The following MYT1L variants were observed in gnomAD, a reference collection of about 807,000 sequenced individuals.
MYT1L encodes myelin transcription factor 1-like protein.
A neutral mutation model predicts 126.7 loss-of-function variants in MYT1L; 12 were observed. The observed-to-expected ratio is 0.09, with a 90% CI of 0.06 to 0.15. The LOEUF (loss-of-function observed/expected upper bound fraction) is 0.15. Ranked by LOEUF, MYT1L falls within the 10% of genes least tolerant of loss-of-function variation. The pLI, the probability that MYT1L is intolerant of heterozygous loss-of-function variation, is 1.00. For missense variants in MYT1L, 979 were observed against 1,585.2 expected (o/e 0.62, Z 6.49); for synonymous variants, 541 against 604.2 (o/e 0.90, Z 1.53).
intron 18 of MYT1L, among the ~76,000 whole-genome samples, chr2:1,857,022 C>T (rs182268858): frequency 1.3e-5 from 2 of 152,290 alleles, no homozygotes; most frequent in African/African-American, 2.4e-5. Context: ...AGCAAGTGCA[C>T]GCGGAGGCTC....
At chr2:2,234,165 A>G (rs1420068193) in intron 2 of MYT1L, among the ~76,000 whole-genome samples, 1 of 152,230 alleles carries the variant, frequency 6.6e-6, no homozygotes, top group Non-Finnish European at 1.5e-5. Flanking sequence ...TCTACTCCTT[A>G]AAAATTGGAA....
chr2:2,284,351 T>C (rs2095488025), intron 2 of MYT1L, 53 bp downstream of exon 2: 1 of 152,100 alleles, frequency 6.6e-6, no homozygotes, highest in Non-Finnish European at 1.5e-5. Flanking sequence ...TGTTTTCAGG[T>C]ACCTCCTTTA....
chr2:2,079,917 A>C (rs2075640433), intron 3 of MYT1L, among the ~76,000 whole-genome samples: 1 of 152,262 alleles, frequency 6.6e-6, no homozygotes, highest in Non-Finnish European at 1.5e-5. Context: ...AAGTAAGTGA[A>C]TAAATAAATA....
At chr2:2,018,035 C>A (rs543342349) in intron 4 of MYT1L, among the ~76,000 whole-genome samples, 1 of 152,158 alleles carries the variant, frequency 6.6e-6, no homozygotes, top group African/African-American at 2.4e-5. Context: ...TTATCCTATA[C>A]ACACACAAAC....
At chr2:1,873,873 C>G (rs1217393489) in intron 18 of MYT1L, among the ~76,000 whole-genome samples, 1 of 152,160 alleles carries the variant, frequency 6.6e-6, no homozygotes, top group South Asian at 2.1e-4. Flanking sequence ...AATTCAGCAC[C>G]TGATGAGTTC....
chr2:2,204,415 G>GA (rs1413222595), intron 2 of MYT1L, among the ~76,000 whole-genome samples: 3 of 150,008 alleles, frequency 2.0e-5, no homozygotes, highest in African/African-American at 5.0e-5. Flanking sequence ...AAATTTACAA[G>GA]AAAAAAACAA....
At chr2:2,225,850 C>T (rs2093995556) in intron 2 of MYT1L, among the ~76,000 whole-genome samples, 1 of 152,164 alleles carries the variant, frequency 6.6e-6, no homozygotes, top group Non-Finnish European at 1.5e-5. Flanking sequence ...AAGGTCCCTT[C>T]CGTGTTGCCC....
At chr2:2,048,824 G>C (rs548728608) in intron 4 of MYT1L, among the ~76,000 whole-genome samples, 13 of 152,272 alleles carry the variant, frequency 8.5e-5, no homozygotes, top group African/African-American at 2.9e-4. Flanking sequence ...GCCATGATTT[G>C]CAGTTTCCAC....
At chr2:2,267,701 G>C (rs1427298233) in intron 2 of MYT1L, among the ~76,000 whole-genome samples, 1 of 152,140 alleles carries the variant, frequency 6.6e-6, no homozygotes, top group Non-Finnish European at 1.5e-5. Context: ...ACCCAGTGTG[G>C]TCAGGGTGTG....
chr2:1,935,942 G>A (rs1166797268), intron 9 of MYT1L, among the ~76,000 whole-genome samples: 2 of 152,158 alleles, frequency 1.3e-5, no homozygotes, highest in Admixed American at 1.3e-4. Context: ...TTTCAAGATG[G>A]AGTTTTGCTC....
chr2:2,252,505 A>T (rs1261264921), intron 2 of MYT1L, among the ~76,000 whole-genome samples: 2 of 152,232 alleles, frequency 1.3e-5, no homozygotes, highest in Non-Finnish European at 2.9e-5. Context: ...GGCTCCTCAG[A>T]GGGATCAGTG....
Position 1,917,437 on chromosome 2 carries a change from T to A in MYT1L, c.1484-98A>T. The A allele has an allele frequency of 5.6e-6, 8 of 1,435,628 alleles. No individual in the cohort carries two copies. The highest frequency in any genetic ancestry group is 6.6e-6 in the Non-Finnish European group (7 of 1,056,928). The allele number at this position is 1,435,628 out of a possible 1,614,324, so 88.9% of individuals were successfully genotyped here. A position where few individuals can be genotyped will look rare whatever the true frequency, so the allele number is the denominator to read the frequency against. On this transcript the variant is annotated intron_variant, in intron 10 of 24. Coordinates refer to ENST00000647738, the MANE Select transcript of MYT1L (RefSeq NM_001303052.2). This position sits in a 1 kb window ranked among gnomAD's most constrained non-coding sequence, Gnocchi z 5.9. ...GAAGAAACCTTGCTAAAGAAAGAAA[T>A]AAAGCAGGTGTCGGGGGCTAGGCTG... is the stretch of plus-strand genomic sequence containing the variant.
chr2:2,135,037 C>T (rs1301476013), intron 3 of MYT1L, among the ~76,000 whole-genome samples: 1 of 152,156 alleles, frequency 6.6e-6, no homozygotes, highest in Non-Finnish European at 1.5e-5. Flanking sequence ...AAATTCAGTT[C>T]CCTTCTCTGC....
chr2:1,995,702 T>G (rs939036028), intron 5 of MYT1L, among the ~76,000 whole-genome samples: 3 of 152,220 alleles, frequency 2.0e-5, no homozygotes, highest in South Asian at 4.1e-4. Flanking sequence ...TCCCGGGTGA[T>G]GGGCGTGGGA....
At chr2:1,832,885 C>T (rs889932954) in intron 21 of MYT1L, among the ~76,000 whole-genome samples, 1 of 152,214 alleles carries the variant, frequency 6.6e-6, no homozygotes, top group Non-Finnish European at 1.5e-5. Flanking sequence ...TCCTTCACCC[C>T]AGTCCACAGC....
intron 14 of MYT1L, 113 bp downstream of exon 14, chr2:1,902,967 G>T: frequency 1.0e-6 from 1 of 955,062 alleles, no homozygotes; most frequent in Non-Finnish European, 1.6e-6. Flanking sequence ...TGTTCTTTTG[G>T]TACCCATTGA....
intron 1 of MYT1L, among the ~76,000 whole-genome samples, chr2:2,285,452 T>C (rs1043100818): frequency 7.9e-5 from 12 of 152,224 alleles, no homozygotes; most frequent in African/African-American, 2.7e-4. Context: ...AATAATTCCT[T>C]TGGAAAATTA....
intron 3 of MYT1L, among the ~76,000 whole-genome samples, chr2:2,152,181 G>A (rs1029521021): frequency 3.3e-5 from 5 of 152,218 alleles, no homozygotes; most frequent in South Asian, 2.1e-4. Flanking sequence ...CAAGTGCTGC[G>A]ACACTGTGAC....
At chr2:2,241,025 A>T (rs1368502027) in intron 2 of MYT1L, among the ~76,000 whole-genome samples, 1 of 152,186 alleles carries the variant, frequency 6.6e-6, no homozygotes, top group African/African-American at 2.4e-5. Context: ...ACAGAGGGAA[A>T]AATAAAGACA....
Sources: allele counts gnomAD v4.1 joint callset (sites outside exome capture counted in the v4.1 genomes callset), GRCh38; gene constraint gnomAD v4.1.1; non-coding constraint Gnocchi (gnomAD v3.1); transcripts MANE v1.5; gene names NCBI Gene and HGNC (gene_info 2026-07-23, HGNC 2026-07-21).